The following CLEC17A variants were observed in gnomAD, a reference collection of about 807,000 sequenced individuals.
CLEC17A encodes the protein C-type lectin domain containing 17A, also known as C-type lectin domain family 17, member A.
A neutral mutation model predicts 61.3 loss-of-function variants in CLEC17A; 37 were observed. That is an observed-to-expected ratio of 0.60 (90% CI 0.46 to 0.79). The LOEUF (loss-of-function observed/expected upper bound fraction) is 0.79, where lower values mean the gene tolerates loss of function less well. CLEC17A is among the 30% of genes least tolerant of loss of function. The probability of loss-of-function intolerance (pLI) is 0.00; values close to 1 mark genes in which losing one functional copy is unlikely to be tolerated. For missense variants in CLEC17A, 418 were observed against 464.7 expected (o/e 0.90, Z 0.92); for synonymous variants, 168 against 164.9 (o/e 1.02, Z -0.14).
At chr19:14,585,761 A>AATC (rs2074266700) in intron 2 of CLEC17A, among the ~76,000 whole-genome samples, 1 of 147,022 alleles carries the variant, frequency 6.8e-6, no homozygotes, top group Non-Finnish European at 1.5e-5. Context: ...TCTTGACTAC[A>AATC]ATCACGCAAG....
At chr19:14,589,531 A>G (rs1431779781) in intron 3 of CLEC17A, among the ~76,000 whole-genome samples, 2 of 138,202 alleles carry the variant, frequency 1.4e-5, no homozygotes, top group African/African-American at 3.0e-5. Context: ...CTTGGGTCCA[A>G]GCAATCCTCC....
intron 12 of CLEC17A, among the ~76,000 whole-genome samples, chr19:14,605,638 C>T (rs370550856): frequency 6.6e-6 from 1 of 152,178 alleles, no homozygotes; most frequent in Non-Finnish European, 1.5e-5. Flanking sequence ...AGTCTAATTT[C>T]TTTCACCATC....
intron 3 of CLEC17A, among the ~76,000 whole-genome samples, chr19:14,591,890 G>A (rs1007710363): frequency 6.8e-5 from 10 of 146,006 alleles, no homozygotes; most frequent in South Asian, 2.2e-4. Flanking sequence ...TCCAAACTCC[G>A]GAGAAAAATG....
At chr19:14,594,444 C>T (rs1470377570) in intron 4 of CLEC17A, 73 bp from the exon 5 acceptor site, 1 of 1,534,778 alleles carries the variant, frequency 6.5e-7, no homozygotes, top group Non-Finnish European at 8.8e-7. Context: ...CAATCCTAAC[C>T]CTGTTTCCAT....
At chr19:14,598,332 C>CTT (rs2074605510) in intron 10 of CLEC17A, among the ~76,000 whole-genome samples, 2 of 150,850 alleles carry the variant, frequency 1.3e-5, no homozygotes, top group African/African-American at 4.9e-5. Flanking sequence ...CTCTCACTAT[C>CTT]TCTTTCTTTC....
chr19:14,595,117 C>T (rs555926374), intron 7 of CLEC17A, among the ~76,000 whole-genome samples, 157 bp from the exon 8 acceptor site: 1 of 152,232 alleles, frequency 6.6e-6, no homozygotes, highest in African/African-American at 2.4e-5. Context: ...GGTGATCCAC[C>T]CGCCTCAGCC....
At chr19:14,595,934 A>G (rs368287440) in intron 8 of CLEC17A, among the ~76,000 whole-genome samples, 2 of 410 alleles carry the variant, frequency 4.9e-3, no homozygotes, top group South Asian at 0.056. Context: ...GGTGTTGGTG[A>G]TGATAGTAGA....
At chr19:14,585,021 C>T (rs1290933938) in intron 2 of CLEC17A, among the ~76,000 whole-genome samples, 6 of 152,196 alleles carry the variant, frequency 3.9e-5, no homozygotes, top group Non-Finnish European at 7.3e-5. Flanking sequence ...CATCTTCATC[C>T]CCATCCTGAA....
chr19:14,595,435 C>T (rs2074519974), intron 8 of CLEC17A, 120 bp downstream of exon 8: 1 of 1,063,430 alleles, frequency 9.4e-7, no homozygotes, highest in Middle Eastern at 2.1e-4. Context: ...CCTTCAGGAC[C>T]TGCTGCACTG....
In CLEC17A at chr19:14,611,863, G is replaced by C. The variant is rs1403217373; in HGVS notation, c.*1667G>C. The stretch of plus-strand genomic sequence containing the variant: ...CTAAAAATACAAAAAAATTAGCTGG[G>C]CGTGGTGGCATGTGCCTGTAATCCC... On this transcript the variant is annotated 3_prime_UTR_variant, in exon 14 of 14. Coordinates refer to ENST00000417570, the MANE Select transcript of CLEC17A (RefSeq NM_001204118.2). Among the ~76,000 whole-genome samples the C allele has an allele frequency of 1.3e-5, 2 of 152,062 alleles. No individual in the cohort carries two copies. The highest frequency in any genetic ancestry group is 2.9e-5 in the Non-Finnish European group (2 of 68,006).
At chr19:14,582,018 T>A (rs771405678), upstream of CLEC17A, among the ~76,000 whole-genome samples, 2 of 152,194 alleles carry the variant, frequency 1.3e-5, no homozygotes, top group Non-Finnish European at 2.9e-5. Context: ...CAGGTGTTCA[T>A]GGGCTGGGCC....
intron 3 of CLEC17A, among the ~76,000 whole-genome samples, chr19:14,591,447 C>A (rs576838261): frequency 1.2e-4 from 18 of 147,676 alleles, no homozygotes; most frequent in African/African-American, 4.5e-4. Flanking sequence ...AGCCACCGCG[C>A]CTGGCCCTTT....
chr19:14,607,483 G>C (rs371644902), intron 13 of CLEC17A, among the ~76,000 whole-genome samples: 4 of 151,720 alleles, frequency 2.6e-5, no homozygotes, highest in South Asian at 2.1e-4. Flanking sequence ...GATTACAGGC[G>C]TGAGCCACCG....
At chr19:14,583,931 T>G (rs2146656697) in intron 2 of CLEC17A, among the ~76,000 whole-genome samples, 1 of 151,994 alleles carries the variant, frequency 6.6e-6, no homozygotes, top group Non-Finnish European at 1.5e-5. Flanking sequence ...GATAAGTGGT[T>G]GTTAAAGTGG....
intron 12 of CLEC17A, among the ~76,000 whole-genome samples, chr19:14,603,039 CA>C (rs1172803854): frequency 6.6e-6 from 1 of 152,168 alleles, no homozygotes; most frequent in Non-Finnish European, 1.5e-5. Flanking sequence ...CTGGCCAAAA[CA>C]GGGCTTTTGA....
intron 3 of CLEC17A, among the ~76,000 whole-genome samples, chr19:14,590,402 T>C (rs977061985): frequency 2.0e-5 from 3 of 147,144 alleles, no homozygotes; most frequent in Non-Finnish European, 4.5e-5. Flanking sequence ...TTTTTTTTTT[T>C]CTTGAGACGG....
chr19:14,600,287 C>G, intron 12 of CLEC17A, 105 bp downstream of exon 12: 1 of 1,364,990 alleles, frequency 7.3e-7, no homozygotes, highest in Non-Finnish European at 1.0e-6. Context: ...ATTAGAATTA[C>G]TTTTCAGTTA....
At chr19:14,594,715 C>T in intron 6 of CLEC17A, 33 bp downstream of exon 6, 4 of 1,614,006 alleles carry the variant, frequency 2.5e-6, no homozygotes, top group Non-Finnish European at 2.5e-6. Flanking sequence ...TTCCTGCTCA[C>T]CTGGCTGAAG....
At chr19:14,587,188 C>T (rs1007750459) in intron 2 of CLEC17A, among the ~76,000 whole-genome samples, 3 of 151,930 alleles carry the variant, frequency 2.0e-5, no homozygotes, top group African/African-American at 4.8e-5. Flanking sequence ...CCACCACCCC[C>T]GGCCCATTGT....
Sources: allele counts gnomAD v4.1 joint callset (sites outside exome capture counted in the v4.1 genomes callset), GRCh38; gene constraint gnomAD v4.1.1; transcripts MANE v1.5; gene names NCBI Gene and HGNC (gene_info 2026-07-23, HGNC 2026-07-21).